ARHGAP28: variants seen among roughly 807,000 people sequenced by gnomAD.
The protein encoded by ARHGAP28 is rho GTPase-activating protein 28.
Under a neutral mutation model 90.7 loss-of-function variants are expected in ARHGAP28, and 56 were observed. That is an observed-to-expected ratio of 0.62 (90% CI 0.50 to 0.77). The LOEUF is 0.77. ARHGAP28 is among the 30% of genes least tolerant of loss of function. The probability of loss-of-function intolerance (pLI) is 0.00; values close to 1 mark genes in which losing one functional copy is unlikely to be tolerated. For missense variants in ARHGAP28, 869 were observed against 900.9 expected (o/e 0.96, Z 0.45); for synonymous variants, 308 against 323.3 (o/e 0.95, Z 0.51).
intron 1 of ARHGAP28, among the ~76,000 whole-genome samples, chr18:6,814,866 A>G (rs1254084384): frequency 6.6e-6 from 1 of 152,224 alleles, no homozygotes; most frequent in African/African-American, 2.4e-5. Context: ...AGAGTTCACC[A>G]AGACTCTTAG....
chr18:6,884,229 C>T (rs2057202137), intron 11 of ARHGAP28, among the ~76,000 whole-genome samples: 1 of 152,080 alleles, frequency 6.6e-6, no homozygotes, highest in Non-Finnish European at 1.5e-5. Flanking sequence ...AAAAAATTGG[C>T]CAGGCGTGGT....
rs13381659 is a variant in ARHGAP28 at position 6,909,452 on chromosome 18, C to G, written c.2095+428C>G. Among the ~76,000 whole-genome samples, 942 of 151,766 alleles carry G rather than the reference C, an allele frequency of 6.2e-3. 9 individuals carry two copies. The highest frequency in any genetic ancestry group is 0.021 in the African/African-American group (877 of 41,328). On this transcript the variant is annotated intron_variant, in intron 17 of 17. Coordinates refer to ENST00000383472, the MANE Select transcript of ARHGAP28 (RefSeq NM_001366230.1). ...GGATTGCAGATGCCCGCCACCACGCCCAGACAATTTTTATATTTTTAGTAG... is the reference window on the plus strand; with the variant it reads ...GGATTGCAGATGCCCGCCACCACGCGCAGACAATTTTTATATTTTTAGTAG...
At chr18:6,750,394 C>T (rs1044825296) in intron 1 of ARHGAP28, among the ~76,000 whole-genome samples, 1 of 152,152 alleles carries the variant, frequency 6.6e-6, no homozygotes, top group Non-Finnish European at 1.5e-5. Flanking sequence ...CACTCTGTTC[C>T]CTTTCTATAC....
chr18:6,891,899 G>A lies in ARHGAP28; in HGVS notation c.1848+1356G>A, dbSNP rs141824380. Among the ~76,000 whole-genome samples, 26 of 152,074 alleles carry A rather than the reference G, an allele frequency of 1.7e-4. No homozygotes were observed. In the East Asian group the frequency reaches 3.9e-3, roughly 23 times the overall value. On this transcript the variant is annotated intron_variant, in intron 14 of 17. Coordinates refer to ENST00000383472, the MANE Select transcript of ARHGAP28 (RefSeq NM_001366230.1). ...TGAGCCACTGTGCCTGGTTGGAGTT[G>A]TATCTTGAAGGATGGATACCACTGT...
intron 1 of ARHGAP28, among the ~76,000 whole-genome samples, chr18:6,750,269 C>A (rs140988947): frequency 6.6e-6 from 1 of 152,276 alleles, no homozygotes; most frequent in African/African-American, 2.4e-5. Context: ...GGTAACTAAT[C>A]GGCCCAAGTG....
intron 1 of ARHGAP28, among the ~76,000 whole-genome samples, chr18:6,780,038 G>T (rs565070689): frequency 1.3e-5 from 2 of 152,334 alleles, no homozygotes; most frequent in South Asian, 4.1e-4. Context: ...AGGTCCAGGT[G>T]CTTCCAGGCA....
intron 1 of ARHGAP28, among the ~76,000 whole-genome samples, chr18:6,758,589 G>C (rs1026584320): frequency 6.6e-6 from 1 of 152,184 alleles, no homozygotes; most frequent in South Asian, 2.1e-4. Flanking sequence ...TTCCCAAAGT[G>C]CTGGGATTAC....
chr18:6,891,669 C>A (rs2057266415), intron 14 of ARHGAP28, among the ~76,000 whole-genome samples: 2 of 152,076 alleles, frequency 1.3e-5, no homozygotes, highest in South Asian at 4.1e-4. Context: ...CTCACTGCAA[C>A]CTCGAACTCC....
At chr18:6,907,791 G>A (rs557705291) in intron 16 of ARHGAP28, among the ~76,000 whole-genome samples, 1 of 152,262 alleles carries the variant, frequency 6.6e-6, no homozygotes, top group African/African-American at 2.4e-5. Context: ...TTTGTGAGAT[G>A]TTACTATTGA....
At chr18:6,911,775 A>C (rs1338520086) in intron 17 of ARHGAP28, among the ~76,000 whole-genome samples, 1 of 152,116 alleles carries the variant, frequency 6.6e-6, no homozygotes, top group Non-Finnish European at 1.5e-5. Context: ...AAGCAAGGGA[A>C]CAATTTGCCT....
At chr18:6,875,906 C>A (rs990494525) in intron 9 of ARHGAP28, among the ~76,000 whole-genome samples, 43 of 152,162 alleles carry the variant, frequency 2.8e-4, no homozygotes, top group African/African-American at 1.0e-3. Context: ...CGAGGTTGAT[C>A]TTGGGAAAGT....
At chr18:6,859,289 G>T (rs9952285) in intron 4 of ARHGAP28, among the ~76,000 whole-genome samples, 2 of 152,108 alleles carry the variant, frequency 1.3e-5, no homozygotes, top group Admixed American at 6.5e-5. Flanking sequence ...TAGGCCAGCC[G>T]CATGGACACA....
At chr18:6,867,265 T>A (rs1010344782) in intron 5 of ARHGAP28, among the ~76,000 whole-genome samples, 1 of 152,132 alleles carries the variant, frequency 6.6e-6, no homozygotes, top group Non-Finnish European at 1.5e-5. Flanking sequence ...AAAAGACCTT[T>A]CATGAAGCAG....
intron 1 of ARHGAP28, among the ~76,000 whole-genome samples, chr18:6,733,315 T>C (rs913543597): frequency 6.6e-6 from 1 of 152,152 alleles, no homozygotes; most frequent in Non-Finnish European, 1.5e-5. Flanking sequence ...TCCTGTTCTG[T>C]TTTTGCTCTT....
At chr18:6,895,748 T>A (rs2057300038) in intron 15 of ARHGAP28, among the ~76,000 whole-genome samples, 1 of 152,244 alleles carries the variant, frequency 6.6e-6, no homozygotes. Context: ...ACATCTGCAA[T>A]GACCTATTTC....
At chr18:6,899,883 C>T (rs765924491) in intron 16 of ARHGAP28, among the ~76,000 whole-genome samples, 8 of 152,102 alleles carry the variant, frequency 5.3e-5, no homozygotes, top group Non-Finnish European at 1.2e-4. Context: ...GGAGCTGAGC[C>T]TCCACCTGAC....
At chr18:6,875,660 C>T (rs973521294) in intron 9 of ARHGAP28, among the ~76,000 whole-genome samples, 12 of 152,200 alleles carry the variant, frequency 7.9e-5, no homozygotes, top group African/African-American at 2.7e-4. Flanking sequence ...TATCACCATC[C>T]TGAGAACTCA....
intron 1 of ARHGAP28, among the ~76,000 whole-genome samples, chr18:6,786,931 A>G (rs2056369325): frequency 6.6e-6 from 1 of 151,984 alleles, no homozygotes; most frequent in Non-Finnish European, 1.5e-5. Flanking sequence ...TCACAATTGA[A>G]GTTGGGGCCG....
rs75701319 is a variant in ARHGAP28 at position 6,760,600 on chromosome 18, T to G, written c.122+30657T>G. On this transcript the variant is annotated intron_variant, in intron 1 of 17. Transcript: ENST00000383472. ...CTTTCTACAGAAGCTTTCAGTTCCT[T>G]AGCAAGGTAAAAGATTTCTCACTAA... Among the ~76,000 whole-genome samples the G allele has an allele frequency of 6.1e-3, 936 of 152,338 alleles. 7 individuals are homozygous for G. Among genetic ancestry groups the G allele is most frequent in the Non-Finnish European group, 8.8e-3 (597 of 68,026 alleles).
Sources: gnomAD v4.1 joint callset for allele counts (sites outside exome capture counted in the v4.1 genomes callset) on GRCh38, gnomAD v4.1.1 for gene constraint, MANE v1.5 for transcripts, NCBI Gene and HGNC (gene_info 2026-07-23, HGNC 2026-07-21) for gene names.